Variants in NIPBL observed in about 807,000 individuals in gnomAD.
NIPBL encodes NIPBL cohesin loading factor.
NIPBL carries 19 observed loss-of-function variants against 321.8 expected under a neutral mutation model. The observed-to-expected ratio is 0.06, with a 90% CI of 0.04 to 0.09. The LOEUF is 0.09. Ranked by LOEUF, NIPBL falls within the 10% of genes least tolerant of loss-of-function variation. The pLI, the probability that NIPBL is intolerant of heterozygous loss-of-function variation, is 1.00. For synonymous variants in NIPBL, 1,106 were observed against 1,114.1 expected (o/e 0.99, Z 0.14); for missense variants, 2,210 against 3,327.0 (o/e 0.66, Z 8.26).
intron 29 of NIPBL, 139 bp from the exon 30 acceptor site, chr5:37,024,446 C>T (rs1416824615): frequency 3.3e-6 from 2 of 609,900 alleles, no homozygotes; most frequent in Non-Finnish European, 5.7e-6. Flanking sequence ...TAGCAGAAAG[C>T]ATGTAAAAAG....
At chr5:37,020,156 T>G (rs1445649453) in intron 25 of NIPBL, among the ~76,000 whole-genome samples, 2 of 152,250 alleles carry the variant, frequency 1.3e-5, no homozygotes, top group Non-Finnish European at 2.9e-5. Flanking sequence ...TGTTTAACTT[T>G]GTCATGATGT....
intron 8 of NIPBL, 37 bp downstream of exon 8, chr5:36,972,078 A>G (rs1487693770): frequency 2.9e-6 from 4 of 1,376,578 alleles, no homozygotes; most frequent in Non-Finnish European, 3.1e-6. Context: ...TGTATATTTT[A>G]TATTTGAAGT....
intron 1 of NIPBL, among the ~76,000 whole-genome samples, chr5:36,889,280 GATCTATATACAGAAGTGTT>G: frequency 6.6e-6 from 1 of 152,078 alleles, no homozygotes; most frequent in Non-Finnish European, 1.5e-5. Context: ...ATAAGAGAAA[GATCTATATACAGAAGTGTT>G]TTGAGTTCTT....
At chr5:36,921,828 T>A (rs1293156166) in intron 1 of NIPBL, among the ~76,000 whole-genome samples, 2 of 152,078 alleles carry the variant, frequency 1.3e-5, no homozygotes, top group East Asian at 3.8e-4. Flanking sequence ...GACAAGAAAT[T>A]ATTAACTTTT....
chr5:37,064,432 C>G (rs1332270118), intron 46 of NIPBL, 95 bp from the exon 47 acceptor site: 1 of 1,576,640 alleles, frequency 6.3e-7, no homozygotes, highest in African/African-American at 1.3e-5. Flanking sequence ...ATCCCAACTC[C>G]CGGCGTCAAG....
At chr5:36,930,204 G>A (rs1749677830) in intron 1 of NIPBL, among the ~76,000 whole-genome samples, 1 of 152,162 alleles carries the variant, frequency 6.6e-6, no homozygotes, top group East Asian at 1.9e-4. Flanking sequence ...TCTAATTTAT[G>A]AGCATGGAAT....
intron 11 of NIPBL, among the ~76,000 whole-genome samples, chr5:36,998,411 A>G (rs948575702): frequency 1.3e-5 from 2 of 152,192 alleles, no homozygotes; most frequent in Non-Finnish European, 2.9e-5. Context: ...ACAAACCACT[A>G]TAAGATTCTT....
intron 1 of NIPBL, among the ~76,000 whole-genome samples, chr5:36,931,511 T>A (rs559836528): frequency 6.6e-6 from 1 of 151,864 alleles, no homozygotes; most frequent in Non-Finnish European, 1.5e-5. Context: ...AGAGACGAGG[T>A]TTTTCCTTGT....
chr5:37,058,055 G>A (rs1429873099), intron 43 of NIPBL, among the ~76,000 whole-genome samples: 1 of 152,110 alleles, frequency 6.6e-6, no homozygotes, highest in African/African-American at 2.4e-5. Context: ...CTGAGGGCTG[G>A]AATTACAGAG....
chr5:36,886,926 T>C (rs1451385451), intron 1 of NIPBL, among the ~76,000 whole-genome samples: 1 of 152,172 alleles, frequency 6.6e-6, no homozygotes, highest in Non-Finnish European at 1.5e-5. Context: ...TCATGTTCTA[T>C]GTATCAGTAG....
intron 1 of NIPBL, among the ~76,000 whole-genome samples, chr5:36,942,209 G>T (rs901585492): frequency 5.5e-4 from 83 of 151,934 alleles, no homozygotes; most frequent in African/African-American, 1.9e-3. Flanking sequence ...GAGTGGGGCG[G>T]ATCACCTCAG....
At chr5:36,968,110 AAC>A (rs1329367233) in intron 6 of NIPBL, among the ~76,000 whole-genome samples, 7,847 of 139,180 alleles carry the variant, frequency 0.056, 449 homozygotes, top group Admixed American at 0.087. Flanking sequence ...AAAAAAAAAA[AAC>A]AAAAAACAAA....
intron 38 of NIPBL, among the ~76,000 whole-genome samples, chr5:37,046,524 A>G (rs301901): frequency 0.57 from 87,281 of 152,140 alleles, 27,266 homozygotes; most frequent in African/African-American, 0.84. Context: ...GAAAAATAAT[A>G]TAGAAGAATT....
chr5:37,039,839 A>G (rs936154665), intron 34 of NIPBL, among the ~76,000 whole-genome samples: 3 of 152,108 alleles, frequency 2.0e-5, no homozygotes, highest in African/African-American at 7.2e-5. Flanking sequence ...TAAAAACAAC[A>G]TGCATTTACT....
Position 36,998,666 on chromosome 5 carries a change from G to A in NIPBL, c.3305-1707G>A, listed in dbSNP as rs1163611191. Among the ~76,000 whole-genome samples the A allele has an allele frequency of 2.6e-5, 4 of 152,018 alleles. No homozygotes were observed. In the East Asian group the frequency reaches 7.7e-4, roughly 29 times the overall value. On this transcript the variant is annotated intron_variant, in intron 11 of 46. Transcript: ENST00000282516. Reference sequence around the variant, plus strand: ...TTCTCTGCCCACATAAGAAAATAGTGCTTTCTGAAGAAGTTTGCTTATTAG... The same window carrying A: ...TTCTCTGCCCACATAAGAAAATAGTACTTTCTGAAGAAGTTTGCTTATTAG...
intron 27 of NIPBL, 23 bp downstream of exon 27, chr5:37,020,900 A>C (rs779601962): frequency 6.8e-7 from 1 of 1,469,678 alleles, no homozygotes; most frequent in East Asian, 2.3e-5. Flanking sequence ...AGAATTCCTT[A>C]TACAGTGATA....
Position 37,020,501 on chromosome 5 carries a change from A to G in NIPBL, c.5053A>G (p.Thr1685Ala). 1 of 1,613,970 alleles carries G rather than the reference A, an allele frequency of 6.2e-7. No individual in the cohort carries two copies. The highest frequency in any genetic ancestry group is 8.5e-7 in the Non-Finnish European group (1 of 1,179,874). The change falls in exon 26 of 47, where the codon ACT becomes GCT. Residue 1685 changes from threonine (T) to alanine (A), a missense_variant. Thr to Ala is a moderately conservative substitution (Grantham distance 58). Transcript: ENST00000282516. ...FYIAQWFRDT[T>A]LETEKAMKSQ... The stretch of plus-strand genomic sequence containing the variant: ...TATAGCCCAGTGGTTTCGAGACACA[A>G]CTCTGGAAACAGAAAAAGCAATGAA...
intron 6 of NIPBL, among the ~76,000 whole-genome samples, chr5:36,965,861 A>G (rs910506304): frequency 3.3e-5 from 5 of 152,164 alleles, no homozygotes; most frequent in African/African-American, 1.2e-4. Context: ...AAAAGTGGAT[A>G]GGTCAGTAGG....
At chr5:37,013,305 C>G (rs928026245) in intron 21 of NIPBL, among the ~76,000 whole-genome samples, 7 of 148,552 alleles carry the variant, frequency 4.7e-5, no homozygotes, top group Non-Finnish European at 1.0e-4. Context: ...GGCTGACCCC[C>G]CCACCTCCCT....
Sources: allele counts gnomAD v4.1 joint callset (sites outside exome capture counted in the v4.1 genomes callset), GRCh38; gene constraint gnomAD v4.1.1; transcripts MANE v1.5; gene names NCBI Gene and HGNC (gene_info 2026-07-23, HGNC 2026-07-21).